The following SPECC1 variants were observed in gnomAD, a reference collection of about 807,000 sequenced individuals.
SPECC1 encodes the protein cytospin-B.
A neutral mutation model predicts 104.1 loss-of-function variants in SPECC1; 62 were observed. The ratio of observed to expected loss-of-function variants is 0.60; its 90% CI spans 0.49 to 0.74. SPECC1 has a LOEUF of 0.74. SPECC1 is among the 30% of genes least tolerant of loss of function. The pLI, the probability that SPECC1 is intolerant of heterozygous loss-of-function variation, is 0.00. For synonymous variants in SPECC1, 513 were observed against 501.6 expected, an observed-to-expected ratio of 1.02 and a Z score of -0.30; for missense variants, 1,306 against 1,310.5, an observed-to-expected ratio of 1.00 and a Z score of 0.05.
chr17:20,165,113 A>G (rs2033534799), intron 3 of SPECC1, among the ~76,000 whole-genome samples: 1 of 152,174 alleles, frequency 6.6e-6, no homozygotes, highest in South Asian at 2.1e-4. Context: ...AACGTGTGCC[A>G]TGGTGGTTTG....
At chr17:20,055,934 G>C (rs1160706461) in intron 1 of SPECC1, among the ~76,000 whole-genome samples, 1 of 152,214 alleles carries the variant, frequency 6.6e-6, no homozygotes, top group Non-Finnish European at 1.5e-5. Context: ...GTGGGTCTCA[G>C]ACCCACCCTC....
At chr17:20,273,027 G>A (rs569209588) in intron 12 of SPECC1, among the ~76,000 whole-genome samples, 95 of 152,278 alleles carry the variant, frequency 6.2e-4, no homozygotes, top group African/African-American at 2.2e-3. Context: ...CTGCGTATGA[G>A]GCCTGCGACT....
intron 3 of SPECC1, among the ~76,000 whole-genome samples, chr17:20,134,597 A>C (rs2049828346): frequency 6.6e-6 from 1 of 152,154 alleles, no homozygotes; most frequent in Non-Finnish European, 1.5e-5. Flanking sequence ...TGAGAAAGGT[A>C]CTTCTTATTG....
intron 1 of SPECC1, among the ~76,000 whole-genome samples, chr17:20,088,085 C>G (rs770166111): frequency 9.2e-5 from 14 of 151,816 alleles, no homozygotes; most frequent in Non-Finnish European, 1.5e-4. Context: ...GGAGAGTGAT[C>G]AGAGCTAGGC....
intron 4 of SPECC1, among the ~76,000 whole-genome samples, chr17:20,209,912 G>A (rs866947903): frequency 1.4e-4 from 21 of 152,332 alleles, no homozygotes; most frequent in African/African-American, 4.6e-4. Context: ...TTATTCCCGT[G>A]AGGTTGAAGC....
chr17:20,229,922 T>C (rs910192784), intron 5 of SPECC1, among the ~76,000 whole-genome samples: 6 of 152,234 alleles, frequency 3.9e-5, no homozygotes, highest in Admixed American at 3.9e-4. Context: ...TAACCCCTTC[T>C]TGGCTAGTGC....
intron 1 of SPECC1, among the ~76,000 whole-genome samples, chr17:20,034,884 C>A (rs967330551): frequency 1.3e-5 from 2 of 152,122 alleles, no homozygotes; most frequent in African/African-American, 2.4e-5. Context: ...GGATTACGAG[C>A]GTGAGCCACC....
At position 20,314,136 on chromosome 17, in the gene SPECC1, C is replaced by T; in HGVS notation, c.*71C>T. On this transcript the variant is annotated 3_prime_UTR_variant, in exon 15 of 15. Transcript: ENST00000395527. ...TTCCTGGAAGCGCCTGATTACTGTC[C>T]ACTGACCCTGCTCTGCCCACCACCC... 2 of 1,338,922 alleles carry T rather than the reference C, an allele frequency of 1.5e-6. No individual in the cohort carries two copies. The highest frequency in any genetic ancestry group is 2.1e-6 in the Non-Finnish European group (2 of 948,394). 82.9% of individuals were successfully genotyped at this position (1,338,922 alleles called of 1,614,324 possible). A position where few individuals can be genotyped will look rare whatever the true frequency, so the allele number is the denominator to read the frequency against.
At chr17:20,312,683 T>C (rs1401586737) in intron 14 of SPECC1, among the ~76,000 whole-genome samples, 1 of 152,240 alleles carries the variant, frequency 6.6e-6, no homozygotes, top group African/African-American at 2.4e-5. Flanking sequence ...CTACAGCCAG[T>C]GTAGGTAGAA....
chr17:20,306,287 G>A, intron 14 of SPECC1: 6 of 499,712 alleles, frequency 1.2e-5, no homozygotes, highest in South Asian at 3.3e-5. Context: ...GATTTCATAT[G>A]GACAAATTTC....
intron 3 of SPECC1, among the ~76,000 whole-genome samples, chr17:20,204,033 A>G (rs1297818382): frequency 6.6e-6 from 1 of 152,128 alleles, no homozygotes; most frequent in Admixed American, 6.5e-5. Flanking sequence ...TTGCCCAGAA[A>G]ACCTTCCCTT....
In SPECC1 at chr17:20,181,767, C is replaced by A. The variant is rs979037063; in HGVS notation, c.284-22566C>A. ...AGCATTGGAACGTGAAAAAAAAATT[C>A]AATTCACAAATACCATAAAATATCT... On this transcript the variant is annotated intron_variant, in intron 3 of 14. Transcript: ENST00000395527. Among the ~76,000 whole-genome samples the A allele has an allele frequency of 2.0e-5, 3 of 151,930 alleles. No homozygotes were observed. In the East Asian group the frequency reaches 5.8e-4, roughly 29 times the overall value.
chr17:20,098,677 T>C (rs1380406692), intron 2 of SPECC1, among the ~76,000 whole-genome samples: 1 of 152,192 alleles, frequency 6.6e-6, no homozygotes, highest in Non-Finnish European at 1.5e-5. Flanking sequence ...GCAGTGTGTT[T>C]GTGTTTGCTG....
At chr17:20,035,177 G>GATTA (rs2045015599) in intron 1 of SPECC1, among the ~76,000 whole-genome samples, 1 of 152,126 alleles carries the variant, frequency 6.6e-6, no homozygotes, top group Admixed American at 6.5e-5. Context: ...TCACAGTCTT[G>GATTA]ATTACTGTAG....
At chr17:20,120,470 A>G (rs551893217) in intron 3 of SPECC1, among the ~76,000 whole-genome samples, 15 of 152,342 alleles carry the variant, frequency 9.8e-5, no homozygotes, top group African/African-American at 3.4e-4. Flanking sequence ...CCAATTTTCT[A>G]TAGGCTCAGC....
intron 2 of SPECC1, among the ~76,000 whole-genome samples, chr17:20,107,532 C>T (rs573972810): frequency 8.1e-4 from 123 of 150,926 alleles, no homozygotes; most frequent in Non-Finnish European, 1.4e-3. Flanking sequence ...TCTCGGCTCA[C>T]TGTAACCTCC....
chr17:20,270,302 A>G lies in SPECC1; in HGVS notation c.2940+10008A>G, dbSNP rs1255556811. The stretch of plus-strand genomic sequence containing the variant: ...AATTTTACCTTAATTTTTTTTAAAA[A>G]AAACAGTGTTATGAACAGACACGAT... On this transcript the variant is annotated intron_variant, in intron 12 of 14. Transcript: ENST00000395527. 5.3e-5 allele frequency among the ~76,000 whole-genome samples: 8 copies of G among 152,006 alleles called. No individual in the cohort carries two copies. In the East Asian group the frequency reaches 1.5e-3, roughly 29 times the overall value.
chr17:20,029,538 A>C (rs904306406), intron 1 of SPECC1, among the ~76,000 whole-genome samples: 1 of 152,082 alleles, frequency 6.6e-6, no homozygotes, highest in Non-Finnish European at 1.5e-5. Context: ...TTCACAGTGA[A>C]ATCTTCTGGG....
intron 1 of SPECC1, among the ~76,000 whole-genome samples, chr17:20,071,446 T>C (rs997180290): frequency 6.6e-6 from 1 of 152,150 alleles, no homozygotes; most frequent in Non-Finnish European, 1.5e-5. Flanking sequence ...TGATAGCTTC[T>C]GTAGAGAATA....
Sources: gnomAD v4.1 joint callset for allele counts (sites outside exome capture counted in the v4.1 genomes callset) on GRCh38, gnomAD v4.1.1 for gene constraint, MANE v1.5 for transcripts, NCBI Gene and HGNC (gene_info 2026-07-23, HGNC 2026-07-21) for gene names.